SYDE1: variants seen among roughly 807,000 people sequenced by gnomAD.
SYDE1 encodes the protein synapse defective Rho GTPase activating protein 1, also known as rho GTPase-activating protein SYDE1.
Under a neutral mutation model 63.3 loss-of-function variants are expected in SYDE1, and 34 were observed. The ratio of observed to expected loss-of-function variants is 0.54; its 90% CI spans 0.41 to 0.71. The LOEUF is 0.71. Among genes scored for constraint, SYDE1 ranks in the 30% least tolerant of loss-of-function variants. The probability of loss-of-function intolerance (pLI) is 0.00; values close to 1 mark genes in which losing one functional copy is unlikely to be tolerated. For missense variants in SYDE1, 925 were observed against 1,042.5 expected, an observed-to-expected ratio of 0.89 and a Z score of 1.55; for synonymous variants, 467 against 473.4, an observed-to-expected ratio of 0.99 and a Z score of 0.18.
In SYDE1 at chr19:15,110,578, A is replaced by G. The variant is rs1037357559; in HGVS notation, c.1133A>G (p.Lys378Arg). Residue 378 changes from lysine to arginine, a missense_variant, in exon 4 of 8, where the codon AAG becomes AGG. Transcript: ENST00000342784. This position sits in a 1 kb window ranked among gnomAD's most constrained non-coding sequence, Gnocchi z 6.9. The stretch of plus-strand genomic sequence containing the variant: ...GAGCCTCAGGGGCTGCTGTATGCCA[A>G]GCTGACCCTGTCGGAGCAGCAGGAA... ...RLEPQGLLYA[K>R]LTLSEQQEAP... 6.3e-7 allele frequency: 1 copy of G among 1,598,782 alleles called. No homozygotes were observed. Among genetic ancestry groups the G allele is most frequent in the Non-Finnish European group, 8.5e-7 (1 of 1,175,284 alleles).
At position 15,110,043 on chromosome 19, in the gene SYDE1, C is replaced by A. The variant is rs780311492; in HGVS notation, c.770C>A (p.Ala257Asp). 1.3e-6 allele frequency: 2 copies of A among 1,500,688 alleles called. No homozygotes were observed. The highest frequency in any genetic ancestry group is 4.3e-5 in the Admixed American group (2 of 46,238). 93.0% of individuals were successfully genotyped at this position (1,500,688 alleles called of 1,614,324 possible). Residue 257 changes from alanine to aspartate, a missense_variant, in exon 3 of 8, where the codon GCC (alanine) becomes GAC (aspartate). By Grantham distance (126) the Ala-to-Asp change is moderately radical (BLOSUM62 -2). Coordinates refer to ENST00000342784, the MANE Select transcript of SYDE1 (RefSeq NM_033025.6). The surrounding 1 kb of genome is among the most constrained non-coding windows in gnomAD (Gnocchi z 6.9). ...CGGCCCTACGAGGTGGGTCCCGCAG[C>A]CCGGGCACCCCCGGCCGCACTCTGG... ...SFRPYEVGPA[A>D]RAPPAALWGR...
In SYDE1 at chr19:15,110,152, G is replaced by C. The variant is rs1599322845; in HGVS notation, c.879G>C (p.Leu293=). 5 of 1,407,202 alleles carry C rather than the reference G, an allele frequency of 3.6e-6. No individual in the cohort carries two copies. The highest frequency in any genetic ancestry group is 3.0e-5 in the African/African-American group (2 of 66,216). 87.2% of individuals were successfully genotyped at this position (1,407,202 alleles called of 1,614,324 possible). A position where few individuals can be genotyped will look rare whatever the true frequency, so the allele number is the denominator to read the frequency against. Residue 293 remains leucine (L), a synonymous_variant, in exon 3 of 8, where the codon CTG becomes CTC. Coordinates refer to ENST00000342784, the MANE Select transcript of SYDE1 (RefSeq NM_033025.6). This position sits in a 1 kb window ranked among gnomAD's most constrained non-coding sequence, Gnocchi z 6.9. ...GATPRDLCCL[L]QVDGEARART... ...CCCCCAGGGACCTCTGCTGCCTACT[G>C]CAAGTGGATGGGGAGGCCAGGGCCC...
Position 15,110,544 on chromosome 19 carries a change from G to T in SYDE1, c.1099G>T (p.Val367Leu). Residue 367 changes from valine to leucine, a missense_variant, in exon 4 of 8, where the codon GTG becomes TTG. Physicochemically the swap from Val to Leu is conservative, Grantham distance 32. Transcript: ENST00000342784. This position sits in a 1 kb window ranked among gnomAD's most constrained non-coding sequence, Gnocchi z 6.9. ...AGGGTGCCAGGCCCAACAGCTGGCC[G>T]TGCGCCTGGAGCCTCAGGGGCTGCT... The part of the protein sequence containing the change: ...FRGCQAQQLA[V>L]RLEPQGLLYA... 1 of 1,591,114 alleles carries T rather than the reference G, an allele frequency of 6.3e-7. No homozygotes were observed. The highest frequency in any genetic ancestry group is 8.5e-7 in the Non-Finnish European group (1 of 1,171,502).
Position 15,111,979 on chromosome 19 carries a change from A to C in SYDE1, c.1578+187A>C, listed in dbSNP as rs914940054. 6.6e-6 allele frequency among the ~76,000 whole-genome samples: 1 copy of C among 152,194 alleles called. No individual in the cohort carries two copies. Among genetic ancestry groups the C allele is most frequent in the Non-Finnish European group, 1.5e-5 (1 of 68,022 alleles). On this transcript the variant is annotated intron_variant, in intron 6 of 7. Transcript: ENST00000342784. This position sits in a 1 kb window ranked among gnomAD's most constrained non-coding sequence, Gnocchi z 5.5. ...GGCCCAAAGCAGGTGACAGTTGCCC[A>C]AGGTCACACAGCCAGGATGTGTCAA... is the stretch of plus-strand genomic sequence containing the variant.
At position 15,110,194 on chromosome 19, in the gene SYDE1, A is replaced by AG; in HGVS notation, c.927dup (p.Pro310AlafsTer83). The AG allele has an allele frequency of 1.4e-6, 2 of 1,413,740 alleles. No homozygotes were observed. Among genetic ancestry groups the AG allele is most frequent in the South Asian group, 1.6e-5 (1 of 63,114 alleles). 87.6% of individuals were successfully genotyped at this position (1,413,740 alleles called of 1,614,324 possible). On this transcript the variant is annotated frameshift_variant, in exon 3 of 8. Coordinates refer to ENST00000342784, the MANE Select transcript of SYDE1 (RefSeq NM_033025.6). LOFTEE classifies it high-confidence loss of function. The surrounding 1 kb of genome is among the most constrained non-coding windows in gnomAD (Gnocchi z 6.9). Reference sequence around the variant, plus strand: ...CCAGGGCCCGAACAGGGCCACTGCGAGGGGGGCCGGACTTCCTGCGGCTGG... The same window carrying AG: ...CCAGGGCCCGAACAGGGCCACTGCGAGGGGGGGCCGGACTTCCTGCGGCTGG...
rs1396792994 is a variant in SYDE1 at position 15,109,214 on chromosome 19, T to C, written c.247T>C (p.Trp83Arg). The change falls in exon 2 of 8, where the codon TGG becomes CGG. Residue 83 changes from tryptophan to arginine, a missense_variant. This residue lies in a region of SYDE1 where 599 missense variants were observed against 653.7 expected (regional missense o/e 0.92). Transcript: ENST00000342784. This position sits in a 1 kb window ranked among gnomAD's most constrained non-coding sequence, Gnocchi z 5.0. ...AAGCCTGGAGCCCAGTAGCCGCCGA[T>C]GGGTGCTGGGTGGGGCCAAGCCAGC... ...LQSLEPSSRR[W>R]VLGGAKPAED... The C allele has an allele frequency of 5.1e-6, 8 of 1,575,630 alleles. No homozygotes were observed. The highest frequency in any genetic ancestry group is 6.9e-6 in the Non-Finnish European group (8 of 1,160,560).
In SYDE1 at chr19:15,110,249, G is replaced by A. The variant is rs1361060974; in HGVS notation, c.976G>A (p.Ala326Thr). 1.4e-6 allele frequency: 2 copies of A among 1,412,154 alleles called. No individual in the cohort carries two copies. The highest frequency in any genetic ancestry group is 1.8e-6 in the Non-Finnish European group (2 of 1,086,350). The allele number at this position is 1,412,154 out of a possible 1,614,324, so 87.5% of individuals were successfully genotyped here. Residue 326 changes from alanine to threonine, a missense_variant, in exon 3 of 8, where the codon GCC becomes ACC. Ala to Thr is a moderately conservative substitution (Grantham distance 58, BLOSUM62 0). Around this residue, in one of 3 missense-constraint regions of SYDE1, gnomAD observed 599 missense variants for 653.7 expected, o/e 0.92. Transcript: ENST00000342784. This position sits in a 1 kb window ranked among gnomAD's most constrained non-coding sequence, Gnocchi z 6.9. ...DHTFHLELEAARLLRALVLAW... is the reference protein window; with the variant it reads ...DHTFHLELEATRLLRALVLAW... ...CACCTTCCACCTGGAGCTGGAGGCCGCCAGGCTCCTGCGCGCCCTGGTGCT... is the reference window on the plus strand; with the variant it reads ...CACCTTCCACCTGGAGCTGGAGGCCACCAGGCTCCTGCGCGCCCTGGTGCT...
rs2046322139 is a variant in SYDE1, at chr19:15,108,790, G to A, written c.89-266G>A. 1 of 407,138 alleles carries A rather than the reference G, an allele frequency of 2.5e-6. No individual in the cohort carries two copies. The highest frequency in any genetic ancestry group is 3.9e-5 in the East Asian group (1 of 25,872). 25.2% of individuals were successfully genotyped at this position (407,138 alleles called of 1,614,324 possible). On this transcript the variant is annotated intron_variant, in intron 1 of 7. Transcript: ENST00000342784. The surrounding 1 kb of genome is among the most constrained non-coding windows in gnomAD (Gnocchi z 4.3). ...GGAACGCAGTACCTACGGGCCCCAG[G>A]AAGCCTGACTTAGAACCCTGAGGCT...
Position 15,110,498 on chromosome 19 carries a change from C to G in SYDE1, c.1076-23C>G. ...ACATGAAGCTTCAGAGCACACCCGGCTCAGGCCCCCTTGTGTCCTCAGGGT... is the reference window on the plus strand; with the variant it reads ...ACATGAAGCTTCAGAGCACACCCGGGTCAGGCCCCCTTGTGTCCTCAGGGT... On this transcript the variant is annotated intron_variant, in intron 3 of 7. Transcript: ENST00000342784. The surrounding 1 kb of genome is among the most constrained non-coding windows in gnomAD (Gnocchi z 6.9). 6.5e-7 allele frequency: 1 copy of G among 1,549,424 alleles called. No homozygotes were observed. The highest frequency in any genetic ancestry group is 8.7e-7 in the Non-Finnish European group (1 of 1,149,044).
At chr19:15,107,671 T>G (rs1333863952) in intron 1 of SYDE1, 150 bp downstream of exon 1, 8 of 289,394 alleles carry the variant, frequency 2.8e-5, no homozygotes, top group African/African-American at 8.0e-5. Flanking sequence ...CAGGGGAGGG[T>G]AGGGGTCCTG....
At chr19:15,113,345 C>G (rs919419699) in intron 7 of SYDE1, among the ~76,000 whole-genome samples, 12 of 152,122 alleles carry the variant, frequency 7.9e-5, no homozygotes, top group South Asian at 6.2e-4. Context: ...ATCCACAGAC[C>G]TGCCCCTACC....
At chr19:15,107,625 C>A in intron 1 of SYDE1, 104 bp downstream of exon 1, 1 of 698,190 alleles carries the variant, frequency 1.4e-6, no homozygotes, top group South Asian at 1.7e-5. Flanking sequence ...CAGGGGGAGC[C>A]CCCCGCACCC....
chr19:15,111,871 G>A lies in SYDE1; in HGVS notation c.1578+79G>A. ...GAATGTTTCACCCATGCCTGGGCCT[G>A]AGATGGGCATGAGCTGGCAGCATCA... is the stretch of plus-strand genomic sequence containing the variant. On this transcript the variant is annotated intron_variant, in intron 6 of 7. Transcript: ENST00000342784. This position sits in a 1 kb window ranked among gnomAD's most constrained non-coding sequence, Gnocchi z 5.5. 6.5e-6 allele frequency: 9 copies of A among 1,392,968 alleles called. No homozygotes were observed. The highest frequency in any genetic ancestry group is 7.8e-6 in the Non-Finnish European group (8 of 1,031,368). 86.3% of individuals were successfully genotyped at this position (1,392,968 alleles called of 1,614,324 possible).
chr19:15,114,063 C>T lies in SYDE1; in HGVS notation c.*100C>T. 1 of 1,274,826 alleles carries T rather than the reference C, an allele frequency of 7.8e-7. No homozygotes were observed. Among genetic ancestry groups the T allele is most frequent in the Non-Finnish European group, 1.1e-6 (1 of 921,948 alleles). The allele number at this position is 1,274,826 out of a possible 1,614,324, so 79.0% of individuals were successfully genotyped here. A position where few individuals can be genotyped will look rare whatever the true frequency, so the allele number is the denominator to read the frequency against. ...GGAGAGCCAGACCTGTTGCTCAGGCCGAGCTCCTGGTTGCCAGCGAGTTAC... is the reference window on the plus strand; with the variant it reads ...GGAGAGCCAGACCTGTTGCTCAGGCTGAGCTCCTGGTTGCCAGCGAGTTAC... On this transcript the variant is annotated 3_prime_UTR_variant, in exon 8 of 8. Coordinates refer to ENST00000342784, the MANE Select transcript of SYDE1 (RefSeq NM_033025.6).
In SYDE1 at chr19:15,114,306, A is replaced by G. The variant is rs2046368287; in HGVS notation, c.*343A>G. 1 of 304,684 alleles carries G rather than the reference A, an allele frequency of 3.3e-6. No individual in the cohort carries two copies. Among genetic ancestry groups the G allele is most frequent in the African/African-American group, 2.2e-5 (1 of 45,692 alleles). The allele number at this position is 304,684 out of a possible 1,614,324, so 18.9% of individuals were successfully genotyped here. A position where few individuals can be genotyped will look rare whatever the true frequency, so the allele number is the denominator to read the frequency against. ...GCCTCCCCTTGGCCGGGGCAACACC[A>G]GTTACTGTGAGCATCACCCTGGTGT... On this transcript the variant is annotated 3_prime_UTR_variant, in exon 8 of 8. Transcript: ENST00000342784.
At position 15,108,830 on chromosome 19, in the gene SYDE1, C is replaced by T; in HGVS notation, c.89-226C>T. On this transcript the variant is annotated intron_variant, in intron 1 of 7. Transcript: ENST00000342784. The surrounding 1 kb of genome is among the most constrained non-coding windows in gnomAD (Gnocchi z 4.3). ...ACCCTGAGGCTGCAGGGATGGAGTC[C>T]CCTTTTGGGATGCCAGGGACTGAGT... 1.8e-6 allele frequency: 1 copy of T among 545,824 alleles called. No individual in the cohort carries two copies. Among genetic ancestry groups the T allele is most frequent in the Non-Finnish European group, 2.9e-6 (1 of 347,794 alleles). 33.8% of individuals were successfully genotyped at this position (545,824 alleles called of 1,614,324 possible).
chr19:15,112,037 C>T (rs1265896235), intron 6 of SYDE1, among the ~76,000 whole-genome samples: 2 of 152,198 alleles, frequency 1.3e-5, no homozygotes, highest in Non-Finnish European at 2.9e-5. Context: ...TTTCAACCTA[C>T]AAGGGAGGTT....
At position 15,109,985 on chromosome 19, in the gene SYDE1, C is replaced by T. The variant is rs1346103018; in HGVS notation, c.712C>T (p.Arg238Cys). Residue 238 changes from arginine (R) to cysteine (C), a missense_variant, in exon 3 of 8, where the codon CGC becomes TGC. This residue lies in a region of SYDE1 where 599 missense variants were observed against 653.7 expected (regional missense o/e 0.92). Transcript: ENST00000342784. The surrounding 1 kb of genome is among the most constrained non-coding windows in gnomAD (Gnocchi z 5.0). ...CCTCAGCGACGGGGACTCACCGGAG[C>T]GCCCAGCTGGGCCCCCATCACCCAC... ...GYLSDGDSPE[R>C]PAGPPSPTSF... 6 of 1,489,418 alleles carry T rather than the reference C, an allele frequency of 4.0e-6. No homozygotes were observed. The East Asian group carries it at 1.3e-4, about 33-fold the overall frequency. The allele number at this position is 1,489,418 out of a possible 1,614,324, so 92.3% of individuals were successfully genotyped here.
At chr19:15,107,760 G>A (rs1055817110) in intron 1 of SYDE1, among the ~76,000 whole-genome samples, 1 of 151,980 alleles carries the variant, frequency 6.6e-6, no homozygotes, top group Non-Finnish European at 1.5e-5. Flanking sequence ...CGGGCTCCTT[G>A]GGAGGCCCGG....
Sources: allele counts gnomAD v4.1 joint callset (sites outside exome capture counted in the v4.1 genomes callset), GRCh38; gene constraint gnomAD v4.1.1; regional missense constraint gnomAD v4.1.1; non-coding constraint Gnocchi (gnomAD v3.1); transcripts MANE v1.5; gene names NCBI Gene and HGNC (gene_info 2026-07-23, HGNC 2026-07-21).